Variants in BBS4 observed in about 807,000 individuals in gnomAD.
BBS4 encodes the protein BBSome complex member BBS4.
In BBS4, 58 loss-of-function variants were observed where a neutral mutation model predicts 71.4. The observed-to-expected ratio is 0.81, with a 90% CI of 0.66 to 1.01. The LOEUF is 1.01. Among genes scored for constraint, BBS4 ranks in the 50% least tolerant of loss-of-function variants. The pLI is 0.00. For synonymous variants in BBS4, 228 were observed against 216.8 expected (o/e 1.05, Z -0.46); for missense variants, 660 against 607.9 (o/e 1.09, Z -0.90).
Position 72,722,841 on chromosome 15 carries a change from C to A in BBS4, c.453C>A (p.Phe151Leu). 6.2e-7 allele frequency: 1 copy of A among 1,613,206 alleles called. No individual in the cohort carries two copies. Among genetic ancestry groups the A allele is most frequent in the South Asian group, 1.1e-5 (1 of 91,052 alleles). ...TTTGCTACATATACCTGAAGCAGTT[C>A]AACAAGGTAATTTATAGAAGTGGTG... ...LGVCYIYLKQ[F>L]NKAQDQLHNA... The change falls in exon 7 of 16, where the codon TTC becomes TTA. Residue 151 changes from phenylalanine to leucine, a missense_variant. Coordinates refer to ENST00000268057, the MANE Select transcript of BBS4 (RefSeq NM_033028.5).
intron 2 of BBS4, among the ~76,000 whole-genome samples, chr15:72,697,725 T>C: frequency 6.6e-6 from 1 of 152,222 alleles, no homozygotes; most frequent in Non-Finnish European, 1.5e-5. Flanking sequence ...TGAGAATGGA[T>C]GTTGTGCCTC....
chr15:72,723,343 T>C (rs1186357343), intron 7 of BBS4, among the ~76,000 whole-genome samples: 1 of 152,224 alleles, frequency 6.6e-6, no homozygotes, highest in Non-Finnish European at 1.5e-5. Flanking sequence ...TTCACTGTGA[T>C]TAAGCTATAG....
intron 12 of BBS4, 33 bp downstream of exon 12, chr15:72,731,759 C>T (rs1233455006): frequency 6.2e-7 from 1 of 1,612,358 alleles, no homozygotes; most frequent in African/African-American, 1.3e-5. Context: ...ACTCTCTCTG[C>T]CATCTGTAAT....
At chr15:72,686,401 G>A in intron 1 of BBS4, 150 bp downstream of exon 1, 1 of 1,535,642 alleles carries the variant, frequency 6.5e-7, no homozygotes, top group Non-Finnish European at 8.7e-7. Flanking sequence ...CCTTTTTACT[G>A]TCCCGGGAAC....
intron 2 of BBS4, among the ~76,000 whole-genome samples, chr15:72,708,853 G>C (rs923999541): frequency 6.6e-6 from 1 of 152,008 alleles, no homozygotes; most frequent in African/African-American, 2.4e-5. Flanking sequence ...TATTAGGGTG[G>C]GGAAAAAACC....
intron 13 of BBS4, 154 bp downstream of exon 13, chr15:72,735,336 C>T (rs934707896): frequency 2.9e-6 from 2 of 686,640 alleles, no homozygotes; most frequent in East Asian, 2.8e-5. Context: ...GATGTGTCTC[C>T]TAAGTATGTG....
chr15:72,735,783 G>A, intron 13 of BBS4, 42 bp from the exon 14 acceptor site: 7 of 1,613,382 alleles, frequency 4.3e-6, no homozygotes, highest in Non-Finnish European at 5.9e-6. Context: ...ATGACCATTT[G>A]TTGCAGAGCC....
Position 72,735,805 on chromosome 15 carries a change from A to T in BBS4, c.1107-20A>T. 6.2e-7 allele frequency: 1 copy of T among 1,614,144 alleles called. No homozygotes were observed. The highest frequency in any genetic ancestry group is 8.5e-7 in the Non-Finnish European group (1 of 1,180,006). On this transcript the variant is annotated intron_variant, in intron 13 of 15. Transcript: ENST00000268057. ...TTTGTTGCAGAGCCCCCAGCTCCAT[A>T]GAATCTCTGTCTGCCACAGGTGTAA... is the stretch of plus-strand genomic sequence containing the variant.
At chr15:72,715,487 C>T in intron 5 of BBS4, 85 bp downstream of exon 5, 1 of 898,242 alleles carries the variant, frequency 1.1e-6, no homozygotes, top group Admixed American at 1.7e-5. Flanking sequence ...CTGCTGGCAG[C>T]TGCATCAGCC....
chr15:72,720,046 T>G (rs2065539707), intron 6 of BBS4, among the ~76,000 whole-genome samples: 1 of 152,098 alleles, frequency 6.6e-6, no homozygotes, highest in South Asian at 2.1e-4. Flanking sequence ...ACCACCTTTT[T>G]TTTTTTTAAC....
chr15:72,711,070 G>C (rs1244020981), intron 3 of BBS4, among the ~76,000 whole-genome samples: 1 of 151,626 alleles, frequency 6.6e-6, no homozygotes, highest in Non-Finnish European at 1.5e-5. Flanking sequence ...CAAAGTGCTG[G>C]GATTACAGGC....
chr15:72,688,411 C>CTTTTTTTTTTTTTTTTATTTTTTT (rs2064916222), intron 1 of BBS4, among the ~76,000 whole-genome samples: 1 of 83,052 alleles, frequency 1.2e-5, no homozygotes, highest in Non-Finnish European at 2.1e-5. Context: ...GGTATTTTAT[C>CTTTTTTTTTTTTTTTTATTTTTTT]TTTTTTTTTT....
chr15:72,713,111 T>C (rs2065405020), intron 4 of BBS4, among the ~76,000 whole-genome samples: 1 of 151,946 alleles, frequency 6.6e-6, no homozygotes, highest in Admixed American at 6.6e-5. Context: ...TGCCTCAGCC[T>C]CTCAAAGTGC....
chr15:72,686,860 G>A (rs1325785952), intron 1 of BBS4: 3 of 322,716 alleles, frequency 9.3e-6, no homozygotes, highest in South Asian at 2.6e-5. Flanking sequence ...CAAGTGTGAA[G>A]CTTTGTTTAC....
intron 6 of BBS4, chr15:72,717,387 A>G (rs1036274741): frequency 1.3e-5 from 2 of 154,066 alleles, no homozygotes; most frequent in Non-Finnish European, 2.9e-5. Context: ...AATTCTCATG[A>G]AACAAGATGT....
In BBS4 at chr15:72,731,404, C is replaced by T. The variant is rs1314262083; in HGVS notation, c.811C>T (p.Pro271Ser). 1 of 1,614,148 alleles carries T rather than the reference C, an allele frequency of 6.2e-7. No individual in the cohort carries two copies. Among genetic ancestry groups the T allele is most frequent in the Non-Finnish European group, 8.5e-7 (1 of 1,180,034 alleles). The stretch of plus-strand genomic sequence containing the variant: ...GGCTTGTGCTGTTCCAGAAAGTCCT[C>T]CACTCTGGAATAACATTGGAATGTG... Reference protein sequence around the residue: ...VVACAVPESPPLWNNIGMCFF... With the variant: ...VVACAVPESPSLWNNIGMCFF... The change falls in exon 11 of 16, where the codon CCA becomes TCA. Residue 271 changes from proline (P) to serine (S), a missense_variant. Transcript: ENST00000268057.
chr15:72,686,897 C>A (rs1248036973), intron 1 of BBS4: 1 of 287,118 alleles, frequency 3.5e-6, no homozygotes, highest in East Asian at 9.0e-5. Flanking sequence ...GTTTGAAAGC[C>A]TGTTCTGTCC....
intron 15 of BBS4, 109 bp from the exon 16 acceptor site, chr15:72,737,369 C>T: frequency 1.1e-6 from 1 of 936,214 alleles, no homozygotes; most frequent in Non-Finnish European, 1.7e-6. Context: ...GGGTCAGTCC[C>T]ACTGGTTCCA....
chr15:72,730,879 A>T (rs555665279), intron 10 of BBS4, among the ~76,000 whole-genome samples: 1 of 152,152 alleles, frequency 6.6e-6, no homozygotes, highest in African/African-American at 2.4e-5. Context: ...CGGTAGAAAG[A>T]AATTTACCTT....
Sources: gnomAD v4.1 joint callset for allele counts (sites outside exome capture counted in the v4.1 genomes callset) on GRCh38, gnomAD v4.1.1 for gene constraint, MANE v1.5 for transcripts, NCBI Gene and HGNC (gene_info 2026-07-23, HGNC 2026-07-21) for gene names.